Variants in JAKMIP2 observed in about 807,000 individuals in gnomAD.
JAKMIP2 encodes the protein janus kinase and microtubule interacting protein 2, also known as janus kinase and microtubule-interacting protein 2.
In JAKMIP2, 25 loss-of-function variants were observed where a neutral mutation model predicts 115.0. The ratio of observed to expected loss-of-function variants is 0.22; its 90% confidence interval spans 0.16 to 0.30. The LOEUF (loss-of-function observed/expected upper bound fraction) is 0.30. Ranked by LOEUF, JAKMIP2 falls within the 10% of genes least tolerant of loss-of-function variation. JAKMIP2 has a pLI of 1.00. For synonymous variants in JAKMIP2, 334 were observed against 343.6 expected (o/e 0.97, Z 0.31); for missense variants, 642 against 957.6 (o/e 0.67, Z 4.35).
intron 21 of JAKMIP2, among the ~76,000 whole-genome samples, chr5:147,599,654 T>C (rs887804522): frequency 6.6e-6 from 1 of 152,114 alleles, no homozygotes; most frequent in African/African-American, 2.4e-5. Context: ...AGTAGCTAAG[T>C]AGTACTATAC....
At chr5:147,702,698 GAAAAGAAAAA>G (rs761613104) in intron 1 of JAKMIP2, among the ~76,000 whole-genome samples, 1,848 of 142,166 alleles carry the variant, frequency 0.013, 78 homozygotes, top group African/African-American at 0.041. Flanking sequence ...GAAAAGAAAA[GAAAAGAAAAA>G]AAAAGAGCAG....
At chr5:147,644,331 C>T (rs993372706) in intron 6 of JAKMIP2, 133 bp from the exon 7 acceptor site, 18 of 668,968 alleles carry the variant, frequency 2.7e-5, no homozygotes, top group Non-Finnish European at 4.4e-5. Flanking sequence ...AATACACATA[C>T]ACCAACTAAA....
In JAKMIP2 at chr5:147,782,700, T is replaced by C. The variant is rs1755810253; in HGVS notation, c.-393A>G. Reference sequence around the variant, plus strand: ...CAGCAGCAGCATCACCAGTTGGGCCTCCTCCCTCTCGGAGGATGGGGTGAG... The same window carrying C: ...CAGCAGCAGCATCACCAGTTGGGCCCCCTCCCTCTCGGAGGATGGGGTGAG... On this transcript the variant is annotated 5_prime_UTR_variant, in exon 1 of 22. Coordinates refer to ENST00000616793, the MANE Select transcript of JAKMIP2 (RefSeq NM_001270941.2). 3 of 619,206 alleles carry C rather than the reference T, an allele frequency of 4.8e-6. No homozygotes were observed. The highest frequency in any genetic ancestry group is 5.9e-6 in the Non-Finnish European group (2 of 341,778). The allele number at this position is 619,206 out of a possible 1,614,324, so 38.4% of individuals were successfully genotyped here.
intron 1 of JAKMIP2, among the ~76,000 whole-genome samples, chr5:147,751,256 G>GTTTTTTTTTTT (rs59032563): frequency 7.6e-6 from 1 of 131,598 alleles, no homozygotes; most frequent in African/African-American, 2.8e-5. Context: ...TTTTGTTGTT[G>GTTTTTTTTTTT]TTTTTTTTTT....
chr5:147,593,598 T>C (rs2126551821), intron 21 of JAKMIP2, among the ~76,000 whole-genome samples: 1 of 152,278 alleles, frequency 6.6e-6, no homozygotes, highest in South Asian at 2.1e-4. Context: ...GAAATGAGAA[T>C]AAAACAGAGT....
chr5:147,602,786 C>A (rs1755775601), intron 20 of JAKMIP2, among the ~76,000 whole-genome samples: 1 of 152,194 alleles, frequency 6.6e-6, no homozygotes, highest in Middle Eastern at 3.2e-3. Context: ...TTGGACACAT[C>A]TGTGAATAAG....
rs1004208335 is a variant in JAKMIP2, at chr5:147,611,045, G to A, written c.2412+1261C>T. Among the ~76,000 whole-genome samples the A allele has an allele frequency of 7.9e-5, 12 of 152,164 alleles. No homozygotes were observed. In the East Asian group the frequency reaches 2.1e-3, roughly 27 times the overall value. On this transcript the variant is annotated intron_variant, in intron 20 of 21. Transcript: ENST00000616793. ...GAATGCCCCTCCCCCCACCAAGATC[G>A]GGCACCCCAGGTTGACTTCAGACTG... is the stretch of plus-strand genomic sequence containing the variant.
At chr5:147,728,535 C>T (rs144690111) in intron 1 of JAKMIP2, among the ~76,000 whole-genome samples, 25 of 152,206 alleles carry the variant, frequency 1.6e-4, no homozygotes, top group African/African-American at 5.5e-4. Context: ...AAAACTTACA[C>T]GTACTGAAAC....
Position 147,702,749 on chromosome 5 carries a change from C to A in JAKMIP2, c.-148-30795G>T, listed in dbSNP as rs1367288029. Among the ~76,000 whole-genome samples the A allele has an allele frequency of 3.3e-5, 5 of 151,662 alleles. 1 individual carries two copies. Among genetic ancestry groups the A allele is most frequent in the Non-Finnish European group, 7.4e-5 (5 of 67,912 alleles). On this transcript the variant is annotated intron_variant, in intron 1 of 21. Coordinates refer to ENST00000616793, the MANE Select transcript of JAKMIP2 (RefSeq NM_001270941.2). ...AAGGGGGAAAGAGACTGACAGGCAGCAAGACAGAAGCTGATGATCCAAACA... is the reference window on the plus strand; with the variant it reads ...AAGGGGGAAAGAGACTGACAGGCAGAAAGACAGAAGCTGATGATCCAAACA...
rs1751946165 is a variant in JAKMIP2, at chr5:147,693,025, TA to T, written c.-148-21072del. Among the ~76,000 whole-genome samples, 3 of 152,246 alleles carry T rather than the reference TA, an allele frequency of 2.0e-5. No homozygotes were observed. In the South Asian group the frequency reaches 6.2e-4, roughly 31 times the overall value. On this transcript the variant is annotated intron_variant, in intron 1 of 21. Coordinates refer to ENST00000616793, the MANE Select transcript of JAKMIP2 (RefSeq NM_001270941.2). ...TGTGCCACCAATTTTGTATATGACC[TA>T]AAATTGTAAACAATTTTTATTTGAG...
intron 1 of JAKMIP2, among the ~76,000 whole-genome samples, chr5:147,697,109 C>T (rs1257471064): frequency 1.3e-5 from 2 of 152,122 alleles, no homozygotes; most frequent in East Asian, 3.9e-4. Context: ...TTCGTTTTCA[C>T]ACTGCTAATA....
chr5:147,650,628 C>A, intron 3 of JAKMIP2, 81 bp from the exon 4 acceptor site: 2 of 1,061,734 alleles, frequency 1.9e-6, no homozygotes, highest in Non-Finnish European at 1.4e-6. Flanking sequence ...GGTTTAACTT[C>A]TTTTATCTGA....
intron 11 of JAKMIP2, 118 bp downstream of exon 11, chr5:147,636,847 G>A (rs1581331715): frequency 6.4e-6 from 5 of 786,554 alleles, no homozygotes; most frequent in African/African-American, 1.7e-5. Flanking sequence ...CGCAGTTCGA[G>A]AAAGATCACT....
intron 19 of JAKMIP2, among the ~76,000 whole-genome samples, chr5:147,613,230 T>TG (rs1257618927): frequency 2.6e-5 from 4 of 152,242 alleles, no homozygotes; most frequent in African/African-American, 9.6e-5. Flanking sequence ...AAGGTTTTTT[T>TG]GTGTTCATGT....
At chr5:147,662,671 A>C (rs1759076432) in intron 2 of JAKMIP2, among the ~76,000 whole-genome samples, 1 of 151,996 alleles carries the variant, frequency 6.6e-6, no homozygotes, top group African/African-American at 2.4e-5. Flanking sequence ...GCATGCACAC[A>C]CACACATACA....
intron 1 of JAKMIP2, among the ~76,000 whole-genome samples, chr5:147,759,860 G>A (rs1216582120): frequency 2.6e-5 from 4 of 152,090 alleles, no homozygotes; most frequent in Non-Finnish European, 5.9e-5. Flanking sequence ...TTACCATACA[G>A]GGGAGAGAAG....
chr5:147,772,416 A>G (rs1755393024), intron 1 of JAKMIP2, among the ~76,000 whole-genome samples: 1 of 151,808 alleles, frequency 6.6e-6, no homozygotes, highest in East Asian at 1.9e-4. Context: ...AAGAACAATA[A>G]ATATCAATTA....
chr5:147,643,978 A>G, intron 7 of JAKMIP2, 80 bp downstream of exon 7: 1 of 1,258,062 alleles, frequency 7.9e-7, no homozygotes, highest in Non-Finnish European at 1.1e-6. Context: ...TTAAACTAAA[A>G]TTAACTGCTT....
At chr5:147,689,438 G>A (rs917846187) in intron 1 of JAKMIP2, among the ~76,000 whole-genome samples, 1 of 152,180 alleles carries the variant, frequency 6.6e-6, no homozygotes, top group Non-Finnish European at 1.5e-5. Context: ...AAGCGGACTG[G>A]TTTGGAGGTC....
Sources: allele counts gnomAD v4.1 joint callset (sites outside exome capture counted in the v4.1 genomes callset), GRCh38; gene constraint gnomAD v4.1.1; transcripts MANE v1.5; gene names NCBI Gene and HGNC (gene_info 2026-07-23, HGNC 2026-07-21).